Variants in AGBL2 observed in about 807,000 individuals in gnomAD.
AGBL2 encodes the protein cytosolic carboxypeptidase 2.
Under a neutral mutation model 103.0 loss-of-function variants are expected in AGBL2, and 87 were observed. The ratio of observed to expected loss-of-function variants is 0.84; its 90% CI spans 0.71 to 1.01. AGBL2 has a LOEUF of 1.01. AGBL2 is among the 50% of genes least tolerant of loss of function. The pLI, the probability that AGBL2 is intolerant of heterozygous loss-of-function variation, is 0.00. For synonymous variants in AGBL2, 335 were observed against 356.7 expected, an observed-to-expected ratio of 0.94 and a Z score of 0.69; for missense variants, 904 against 1,023.5, an observed-to-expected ratio of 0.88 and a Z score of 1.59.
intron 13 of AGBL2, 119 bp downstream of exon 13, chr11:47,679,854 C>A (rs2097394585): frequency 3.4e-6 from 2 of 586,972 alleles, no homozygotes; most frequent in South Asian, 4.2e-5. Flanking sequence ...GTTGCCCAGG[C>A]TGGTCTTGAA....
intron 14 of AGBL2, among the ~76,000 whole-genome samples, chr11:47,673,562 C>G (rs2097363905): frequency 1.3e-5 from 2 of 150,200 alleles, no homozygotes; most frequent in Non-Finnish European, 1.5e-5. Flanking sequence ...GAGGTGGAGA[C>G]TGCAGTGAGC....
chr11:47,676,136 TAAC>T (rs1480215002), intron 14 of AGBL2, among the ~76,000 whole-genome samples: 10 of 152,000 alleles, frequency 6.6e-5, no homozygotes, highest in Non-Finnish European at 1.0e-4. Flanking sequence ...ATTACAAACT[TAAC>T]AAGCCTAACA....
rs975110188 is a variant in AGBL2, at chr11:47,674,334, G to A, written c.2147+2937C>T. Among the ~76,000 whole-genome samples, 4 of 152,054 alleles carry A rather than the reference G, an allele frequency of 2.6e-5. 1 individual carries two copies. Among genetic ancestry groups the A allele is most frequent in the Admixed American group, 1.3e-4 (2 of 15,250 alleles). On this transcript the variant is annotated intron_variant, in intron 14 of 18. Transcript: ENST00000525123. The stretch of plus-strand genomic sequence containing the variant: ...CCCAGCACTTTGGGAGGCCGAGGTG[G>A]GCAGATTGCCTGAGGTCAGGAGTTC...
chr11:47,674,939 G>T (rs921334176), intron 14 of AGBL2, among the ~76,000 whole-genome samples: 1 of 151,988 alleles, frequency 6.6e-6, no homozygotes, highest in Non-Finnish European at 1.5e-5. Context: ...TCTCCATGTT[G>T]GTTAGGCTGG....
chr11:47,700,183 T>C (rs1354300194), intron 7 of AGBL2, among the ~76,000 whole-genome samples: 5 of 151,948 alleles, frequency 3.3e-5, no homozygotes, highest in Non-Finnish European at 4.4e-5. Context: ...TCTCAAACTC[T>C]CGACCTCAGG....
rs776837162 is a variant in AGBL2 at position 47,714,662 on chromosome 11, A to G, written c.-12T>C. 1.9e-6 allele frequency: 3 copies of G among 1,613,890 alleles called. No homozygotes were observed. The highest frequency in any genetic ancestry group is 2.5e-6 in the Non-Finnish European group (3 of 1,179,922). On this transcript the variant is annotated 5_prime_UTR_variant, in exon 2 of 19. Transcript: ENST00000525123. ...AAAGCTGGGAACATGTTACTTCTGG[A>G]TGGTAGGCTGAAAACTAGTCAGTGA...
chr11:47,697,276 C>T lies in AGBL2; in HGVS notation c.694+2170G>A, dbSNP rs573477467. 5.9e-5 allele frequency among the ~76,000 whole-genome samples: 9 copies of T among 151,696 alleles called. No individual in the cohort carries two copies. The South Asian group carries it at 1.3e-3, about 21-fold the overall frequency. ...TTTTTGAGATGGAGTCTCGGTCTGTCGCCCAGGCTGGAGTGCAGTGGCACA... is the reference window on the plus strand; with the variant it reads ...TTTTTGAGATGGAGTCTCGGTCTGTTGCCCAGGCTGGAGTGCAGTGGCACA... On this transcript the variant is annotated intron_variant, in intron 8 of 18. Transcript: ENST00000525123.
chr11:47,670,285 G>C (rs535321970), intron 14 of AGBL2, among the ~76,000 whole-genome samples: 1 of 152,260 alleles, frequency 6.6e-6, no homozygotes, highest in South Asian at 2.1e-4. Context: ...AAGAATCTGA[G>C]CCTGGGCGAT....
chr11:47,674,482 G>A (rs1406969499), intron 14 of AGBL2, among the ~76,000 whole-genome samples: 2 of 149,750 alleles, frequency 1.3e-5, no homozygotes, highest in Non-Finnish European at 3.0e-5. Context: ...CAGGAGAATT[G>A]CTTGAACCTG....
At chr11:47,685,866 G>T in intron 11 of AGBL2, 27 bp downstream of exon 11, 1 of 1,606,398 alleles carries the variant, frequency 6.2e-7, no homozygotes, top group Non-Finnish European at 8.5e-7. Context: ...CTAACTCAAT[G>T]GAGAGAAAAT....
intron 11 of AGBL2, among the ~76,000 whole-genome samples, chr11:47,685,570 T>A (rs888779885): frequency 2.0e-5 from 3 of 152,108 alleles, no homozygotes; most frequent in Admixed American, 1.3e-4. Flanking sequence ...TACAGGCATG[T>A]GCCACCATGC....
chr11:47,695,979 A>G (rs1381920228), intron 8 of AGBL2, among the ~76,000 whole-genome samples: 5 of 141,610 alleles, frequency 3.5e-5, no homozygotes, highest in Non-Finnish European at 7.6e-5. Context: ...AGCCTGGCCA[A>G]TATGGTGAAA....
rs531808431 is a variant in AGBL2 at position 47,704,437 on chromosome 11, T to C, written c.586+106A>G. 3.2e-6 allele frequency: 3 copies of C among 930,206 alleles called. No individual in the cohort carries two copies. The South Asian group carries it at 5.3e-5, about 16-fold the overall frequency. 57.6% of individuals were successfully genotyped at this position (930,206 alleles called of 1,614,324 possible). ...GACAGAGGTTGCAGTGAGCTGAGATTGCGCCATTGCACTCCAGCCTGGGAA... is the reference window on the plus strand; with the variant it reads ...GACAGAGGTTGCAGTGAGCTGAGATCGCGCCATTGCACTCCAGCCTGGGAA... On this transcript the variant is annotated intron_variant, in intron 7 of 18. Coordinates refer to ENST00000525123, the MANE Select transcript of AGBL2 (RefSeq NM_024783.4).
In AGBL2 at chr11:47,678,288, CTATTTTATTTTATTT is replaced by C. The variant is rs10557006; in HGVS notation, c.2017-902_2017-888del. ...CCAACTTCTTCAACAATGCAATACT[CTATTTTATTTTATTT>C]TATTTTATTTTATTTTATTTTATTT... On this transcript the variant is annotated intron_variant, in intron 13 of 18. Transcript: ENST00000525123. Among the ~76,000 whole-genome samples, 1,141 of 123,930 alleles carry C rather than the reference CTATTTTATTTTATTT, an allele frequency of 9.2e-3. 17 individuals carry two copies. Among genetic ancestry groups the C allele is most frequent in the African/African-American group, 0.025 (905 of 35,772 alleles). 81.3% of individuals were successfully genotyped at this position (123,930 alleles called of 152,430 possible). A position where few individuals can be genotyped will look rare whatever the true frequency, so the allele number is the denominator to read the frequency against.
At chr11:47,676,340 T>TC (rs1465095442) in intron 14 of AGBL2, among the ~76,000 whole-genome samples, 2 of 152,004 alleles carry the variant, frequency 1.3e-5, no homozygotes, top group Non-Finnish European at 2.9e-5. Context: ...AATTCACACA[T>TC]CCCCCCACAA....
At chr11:47,703,945 A>G (rs1248453857) in intron 7 of AGBL2, among the ~76,000 whole-genome samples, 2 of 150,206 alleles carry the variant, frequency 1.3e-5, no homozygotes, top group African/African-American at 2.4e-5. Flanking sequence ...AAAAAACAAA[A>G]AAAAAACTAG....
chr11:47,680,089 AC>A lies in AGBL2; in HGVS notation c.1916-17del. On this transcript the variant is annotated splice_polypyrimidine_tract_variant and intron_variant, in intron 12 of 18. Coordinates refer to ENST00000525123, the MANE Select transcript of AGBL2 (RefSeq NM_024783.4). ...CTTTTATTACCTGGAAAAAAAAAAA[AC>A]CCCGCAAACATTTCCAATTAAATCT... The A allele has an allele frequency of 7.4e-7, 1 of 1,349,646 alleles. No individual in the cohort carries two copies. Among genetic ancestry groups the A allele is most frequent in the Non-Finnish European group, 1.0e-6 (1 of 961,368 alleles). 83.6% of individuals were successfully genotyped at this position (1,349,646 alleles called of 1,614,324 possible). A position where few individuals can be genotyped will look rare whatever the true frequency, so the allele number is the denominator to read the frequency against.
intron 3 of AGBL2, chr11:47,714,023 C>A: frequency 2.3e-6 from 1 of 432,114 alleles, no homozygotes; most frequent in East Asian, 3.9e-5. Context: ...GACAGTGATA[C>A]TGGTAAAGGA....
intron 16 of AGBL2, 39 bp downstream of exon 16, chr11:47,667,532 G>T: frequency 6.2e-7 from 1 of 1,607,976 alleles, no homozygotes; most frequent in South Asian, 1.1e-5. Context: ...GGAATGGTCT[G>T]AAACTAGACA....
Sources: gnomAD v4.1 joint callset for allele counts (sites outside exome capture counted in the v4.1 genomes callset) on GRCh38, gnomAD v4.1.1 for gene constraint, MANE v1.5 for transcripts, NCBI Gene and HGNC (gene_info 2026-07-23, HGNC 2026-07-21) for gene names.